Variants in PRIM2 observed in about 807,000 individuals in gnomAD.
PRIM2 encodes DNA primase large subunit.
PRIM2 carries 39 observed loss-of-function variants against 67.3 expected under a neutral mutation model. The ratio of observed to expected loss-of-function variants is 0.58; its 90% CI spans 0.45 to 0.76. The LOEUF (loss-of-function observed/expected upper bound fraction) is 0.76. Among genes scored for constraint, PRIM2 ranks in the 30% least tolerant of loss-of-function variants. The probability of loss-of-function intolerance (pLI) is 0.00; values close to 1 mark genes in which losing one functional copy is unlikely to be tolerated. For missense variants in PRIM2, 398 were observed against 598.7 expected (o/e 0.66, Z 3.50); for synonymous variants, 143 against 198.7 (o/e 0.72, Z 2.36).
chr6:57,325,748 T>C (rs1186260805), intron 4 of PRIM2, 177 bp from the exon 5 acceptor site: 3 of 181,300 alleles, frequency 1.7e-5, no homozygotes, highest in Admixed American at 6.5e-5. Flanking sequence ...AACCCATCCT[T>C]AGAAGATTGT....
chr6:57,277,611 C>T, the PRIM2 span, among the ~76,000 whole-genome samples: 1 of 151,916 alleles, frequency 6.6e-6, no homozygotes, highest in Non-Finnish European at 1.5e-5. Context: ...TTGGAGCCTG[C>T]TTCTGCTTGG....
chr6:57,306,023 C>A, the PRIM2 span, among the ~76,000 whole-genome samples: 1 of 152,084 alleles, frequency 6.6e-6, no homozygotes. Context: ...ATTATTTCCC[C>A]ATGGCTAAAC....
At chr6:57,517,192 C>G (rs1336181872) in intron 8 of PRIM2, among the ~76,000 whole-genome samples, 5 of 152,128 alleles carry the variant, frequency 3.3e-5, no homozygotes, top group Non-Finnish European at 7.3e-5. Flanking sequence ...CTAGTCTTCA[C>G]TCATTGGGTT....
intron 11 of PRIM2, 129 bp downstream of exon 11, chr6:57,601,348 T>A (rs1359538310): frequency 3.0e-6 from 3 of 987,480 alleles, no homozygotes; most frequent in Non-Finnish European, 4.2e-6. Context: ...CAGTCGTCAC[T>A]GTCAAGCTAG....
In PRIM2 at chr6:57,446,418, C is replaced by CTTTTTT. The variant is rs397958660; in HGVS notation, c.694-60959_694-60954dup. 5.8e-3 allele frequency among the ~76,000 whole-genome samples: 489 copies of CTTTTTT among 83,810 alleles called. 81 individuals are homozygous for CTTTTTT. The highest frequency in any genetic ancestry group is 0.011 in the South Asian group (24 of 2,174). 55.0% of individuals were successfully genotyped at this position (83,810 alleles called of 152,430 possible). A position where few individuals can be genotyped will look rare whatever the true frequency, so the allele number is the denominator to read the frequency against. Reference sequence around the variant, plus strand: ...GGCATAGGCCTGGCACACGCCACTTCTTTTTTTTTTTTTTTGAGACAGTCT... The same window carrying CTTTTTT: ...GGCATAGGCCTGGCACACGCCACTTCTTTTTTTTTTTTTTTTTTTTTGAGACAGTCT... On this transcript the variant is annotated intron_variant, in intron 7 of 13. Coordinates refer to ENST00000615550, the MANE Select transcript of PRIM2 (RefSeq NM_000947.5).
chr6:57,532,152 C>T, intron 8 of PRIM2, among the ~76,000 whole-genome samples: 1 of 152,146 alleles, frequency 6.6e-6, no homozygotes, highest in African/African-American at 2.4e-5. Flanking sequence ...TTGGATTATG[C>T]TTCTAAAAAA....
chr6:57,301,577 G>A, the PRIM2 span, among the ~76,000 whole-genome samples: 58 of 151,344 alleles, frequency 3.8e-4, no homozygotes, highest in African/African-American at 1.4e-3. Context: ...CAAGGCAGGC[G>A]GATCACTTGA....
intron 10 of PRIM2, among the ~76,000 whole-genome samples, chr6:57,583,933 T>G (rs1776145239): frequency 6.6e-6 from 1 of 152,308 alleles, no homozygotes; most frequent in African/African-American, 2.4e-5. Flanking sequence ...ATATCTAATT[T>G]GCATACCTTA....
intron 5 of PRIM2, among the ~76,000 whole-genome samples, chr6:57,345,330 G>A (rs991289791): frequency 1.3e-5 from 2 of 151,698 alleles, no homozygotes; most frequent in Non-Finnish European, 2.9e-5. Flanking sequence ...GCTGATTTGT[G>A]TATTTTTTGT....
At chr6:57,261,073 A>C in the PRIM2 span, among the ~76,000 whole-genome samples, 1 of 152,122 alleles carries the variant, frequency 6.6e-6, no homozygotes, top group African/African-American at 2.4e-5. Flanking sequence ...GTGTATTTTC[A>C]TTTCCCTCAT....
chr6:57,374,403 C>T (rs1309808814), intron 5 of PRIM2, among the ~76,000 whole-genome samples: 8 of 149,438 alleles, frequency 5.4e-5, no homozygotes, highest in Non-Finnish European at 1.0e-4. Context: ...ACGCCATTCT[C>T]CTGCCTCAGC....
chr6:57,591,272 T>G (rs1396865381), intron 10 of PRIM2, among the ~76,000 whole-genome samples: 1 of 152,164 alleles, frequency 6.6e-6, no homozygotes, highest in South Asian at 2.1e-4. Context: ...TACATTAGAC[T>G]TTAAGGTAGT....
At position 57,433,164 on chromosome 6, in the gene PRIM2, A is replaced by G. The variant is rs534533309; in HGVS notation, c.693+50996A>G. Among the ~76,000 whole-genome samples, 50 of 152,260 alleles carry G rather than the reference A, an allele frequency of 3.3e-4. 1 individual carries two copies. Among genetic ancestry groups the G allele is most frequent in the Non-Finnish European group, 6.0e-4 (41 of 68,034 alleles). ...TGTGGCCTTCACAGCTAAAACATTT[A>G]CTATCACATTGCCAACCCCAGTGCT... On this transcript the variant is annotated intron_variant, in intron 7 of 13. Transcript: ENST00000615550.
intron 10 of PRIM2, among the ~76,000 whole-genome samples, chr6:57,544,650 A>G (rs1775248614): frequency 6.6e-6 from 1 of 152,132 alleles, no homozygotes; most frequent in Non-Finnish European, 1.5e-5. Context: ...CTACCAGATT[A>G]TGTTCTTTTA....
intron 13 of PRIM2, among the ~76,000 whole-genome samples, chr6:57,636,454 A>G (rs1266365260): frequency 6.6e-6 from 1 of 152,190 alleles, no homozygotes; most frequent in East Asian, 1.9e-4. Flanking sequence ...TAAACAAGAC[A>G]AAAGGAAACA....
At chr6:57,259,151 C>T in the PRIM2 span, among the ~76,000 whole-genome samples, 3 of 152,138 alleles carry the variant, frequency 2.0e-5, no homozygotes, top group South Asian at 6.2e-4. Context: ...AGGTCACAAG[C>T]CAGAAGTACA....
chr6:57,558,672 T>TAG (rs1244169467), intron 10 of PRIM2, among the ~76,000 whole-genome samples: 1 of 151,908 alleles, frequency 6.6e-6, no homozygotes, highest in Admixed American at 6.6e-5. Flanking sequence ...TATATATATA[T>TAG]AGAAGTTAGA....
chr6:57,455,065 G>C (rs1238872077), intron 7 of PRIM2, among the ~76,000 whole-genome samples: 4 of 151,996 alleles, frequency 2.6e-5, no homozygotes, highest in Admixed American at 2.0e-4. Context: ...TTCAGGAGCA[G>C]GTTGTTCAGT....
chr6:57,405,635 AAAG>A (rs1770863194), intron 7 of PRIM2, among the ~76,000 whole-genome samples: 1 of 136,392 alleles, frequency 7.3e-6, no homozygotes, highest in South Asian at 2.5e-4. Context: ...TAAATGTTAA[AAAG>A]AAGTGTGTGG....
Sources: allele counts gnomAD v4.1 joint callset (sites outside exome capture counted in the v4.1 genomes callset), GRCh38; gene constraint gnomAD v4.1.1; transcripts MANE v1.5; gene names NCBI Gene and HGNC (gene_info 2026-07-23, HGNC 2026-07-21).